The following RYR3 variants were observed in gnomAD, a reference collection of about 807,000 sequenced individuals.
The protein encoded by RYR3 is brain ryanodine receptor-calcium release channel.
RYR3 carries 207 observed loss-of-function variants against 584.3 expected under a neutral mutation model. That is an observed-to-expected ratio of 0.35 (90% CI 0.32 to 0.40). RYR3 has a LOEUF of 0.40. Among genes scored for constraint, RYR3 ranks in the 10% least tolerant of loss-of-function variants. RYR3 has a pLI of 1.00. For missense variants in RYR3, 5,616 were observed against 6,089.2 expected, an observed-to-expected ratio of 0.92 and a Z score of 2.59; for synonymous variants, 2,416 against 2,248.5, an observed-to-expected ratio of 1.07 and a Z score of -2.11.
intron 69 of RYR3, among the ~76,000 whole-genome samples, chr15:33,805,517 G>T (rs141998623): frequency 7.1e-6 from 1 of 140,174 alleles, no homozygotes; most frequent in Admixed American, 7.7e-5. Flanking sequence ...CTGCTCTGTC[G>T]CCCAGGCTGG....
At chr15:33,689,267 T>A (rs1192758599) in intron 38 of RYR3, among the ~76,000 whole-genome samples, 2 of 151,234 alleles carry the variant, frequency 1.3e-5, no homozygotes, top group Admixed American at 1.3e-4. Context: ...AAATACCTAA[T>A]GTAAATGACG....
At chr15:33,849,373 G>A (rs1461888529) in intron 94 of RYR3, 6 of 152,130 alleles carry the variant, frequency 3.9e-5, no homozygotes, top group Non-Finnish European at 8.8e-5. Flanking sequence ...ACTTGCACAA[G>A]GTAATCAAGC....
At chr15:33,487,069 G>T (rs2572170) in intron 2 of RYR3, among the ~76,000 whole-genome samples, 67,179 of 151,448 alleles carry the variant, frequency 0.44, 15,670 homozygotes, top group Non-Finnish European at 0.52. Context: ...GTGGTGGTGG[G>T]CATCTATAGT....
chr15:33,804,967 C>T (rs927244063), intron 69 of RYR3, among the ~76,000 whole-genome samples: 1 of 152,184 alleles, frequency 6.6e-6, no homozygotes, highest in East Asian at 1.9e-4. Context: ...CAGTGAGCCA[C>T]GCTGTTACTA....
chr15:33,816,746 A>G (rs1043743559), intron 74 of RYR3, 116 bp from the exon 75 acceptor site: 2 of 622,692 alleles, frequency 3.2e-6, no homozygotes, highest in Admixed American at 2.7e-5. Flanking sequence ...ACCCTGACCA[A>G]TCAGAAGACA....
At chr15:33,480,324 C>G (rs558745638) in intron 2 of RYR3, among the ~76,000 whole-genome samples, 3 of 152,296 alleles carry the variant, frequency 2.0e-5, no homozygotes, top group African/African-American at 7.2e-5. Context: ...CAAACTGTAC[C>G]CATCTCATAG....
intron 2 of RYR3, among the ~76,000 whole-genome samples, chr15:33,482,650 G>T (rs533329515): frequency 6.6e-6 from 1 of 152,030 alleles, no homozygotes; most frequent in African/African-American, 2.4e-5. Flanking sequence ...AACTCCTGAC[G>T]TTAAGTGCTC....
chr15:33,653,999 G>A (rs1247773838), intron 32 of RYR3, among the ~76,000 whole-genome samples: 1 of 152,098 alleles, frequency 6.6e-6, no homozygotes, highest in African/African-American at 2.4e-5. Context: ...AATCAATAAT[G>A]TTCTATGAAC....
In RYR3 at chr15:33,726,408, A is replaced by G; in HGVS notation, c.6935A>G (p.Glu2312Gly). Residue 2312 changes from glutamate (E) to glycine (G), a missense_variant, in exon 46 of 104, where the codon GAA becomes GGA. By Grantham distance (98) the Glu-to-Gly change is moderately conservative. Transcript: ENST00000634891. ...CAGCTCATCCAGACAGGAAAGGGGGAAGCCATCCGCATCAGGTCCATCCTG... is the reference window on the plus strand; with the variant it reads ...CAGCTCATCCAGACAGGAAAGGGGGGAGCCATCCGCATCAGGTCCATCCTG... ...EMHLIQTGKGEAIRIRSILRS... is the reference protein window; with the variant it reads ...EMHLIQTGKGGAIRIRSILRS... 6.2e-7 allele frequency: 1 copy of G among 1,613,068 alleles called. No individual in the cohort carries two copies. The highest frequency in any genetic ancestry group is 8.5e-7 in the Non-Finnish European group (1 of 1,179,574).
intron 1 of RYR3, among the ~76,000 whole-genome samples, chr15:33,413,551 A>G (rs2043561598): frequency 1.3e-5 from 2 of 152,336 alleles, no homozygotes; most frequent in Middle Eastern, 3.4e-3. Context: ...TGTGGCCAGC[A>G]GGGGCTGTCA....
chr15:33,433,267 TAGA>T (rs2045361159), intron 1 of RYR3, among the ~76,000 whole-genome samples: 1 of 152,192 alleles, frequency 6.6e-6, no homozygotes, highest in Non-Finnish European at 1.5e-5. Context: ...GTCATTGTTA[TAGA>T]AGAGTATCTT....
At chr15:33,663,904 A>G (rs2063313492) in intron 36 of RYR3, among the ~76,000 whole-genome samples, 167 bp downstream of exon 36, 1 of 152,210 alleles carries the variant, frequency 6.6e-6, no homozygotes, top group South Asian at 2.1e-4. Context: ...AAGCTAAGGA[A>G]TATGTGCCAA....
chr15:33,493,318 G>C (rs989138708), intron 2 of RYR3, among the ~76,000 whole-genome samples: 70 of 152,072 alleles, frequency 4.6e-4, no homozygotes, highest in African/African-American at 1.5e-3. Context: ...CCTGGCCTCT[G>C]CTATTTTTCT....
chr15:33,661,034 A>G (rs2063129405), intron 34 of RYR3, among the ~76,000 whole-genome samples: 1 of 152,190 alleles, frequency 6.6e-6, no homozygotes, highest in South Asian at 2.1e-4. Flanking sequence ...CTCTTTGAAT[A>G]AAAAAGCAGA....
At chr15:33,317,479 A>AG (rs1278518543) in intron 1 of RYR3, among the ~76,000 whole-genome samples, 1 of 127,698 alleles carries the variant, frequency 7.8e-6, no homozygotes, top group African/African-American at 3.2e-5. Flanking sequence ...TTTGGAAGTC[A>AG]GGGGGGGTGT....
intron 38 of RYR3, 143 bp downstream of exon 38, chr15:33,670,699 T>A (rs779802523): frequency 7.8e-5 from 64 of 825,724 alleles, no homozygotes; most frequent in Non-Finnish European, 1.0e-4. Context: ...TTGCTGGTGG[T>A]TCAGTTACGT....
chr15:33,438,736 C>T (rs1316168143), intron 1 of RYR3, among the ~76,000 whole-genome samples: 1 of 152,156 alleles, frequency 6.6e-6, no homozygotes, highest in Non-Finnish European at 1.5e-5. Flanking sequence ...TACATTTATT[C>T]AGGTCTTCGT....
intron 8 of RYR3, among the ~76,000 whole-genome samples, chr15:33,545,133 C>A (rs929154767): frequency 6.6e-6 from 1 of 152,128 alleles, no homozygotes; most frequent in Non-Finnish European, 1.5e-5. Flanking sequence ...AGTTCATTCT[C>A]TCTATTCCTG....
At chr15:33,826,806 A>T in intron 84 of RYR3, 54 bp downstream of exon 84, 1 of 1,325,124 alleles carries the variant, frequency 7.5e-7, no homozygotes, top group Non-Finnish European at 1.1e-6. Flanking sequence ...GCAAAACTAG[A>T]ATTCCGTTCA....
Sources: gnomAD v4.1 joint callset for allele counts (sites outside exome capture counted in the v4.1 genomes callset) on GRCh38, gnomAD v4.1.1 for gene constraint, MANE v1.5 for transcripts, NCBI Gene and HGNC (gene_info 2026-07-23, HGNC 2026-07-21) for gene names.